Variants in FLT4 observed in about 807,000 individuals in gnomAD.
FLT4 encodes fms related receptor tyrosine kinase 4.
In FLT4, 30 loss-of-function variants were observed where a neutral mutation model predicts 163.2. The observed-to-expected ratio is 0.18, with a 90% CI of 0.14 to 0.25. FLT4 has a LOEUF of 0.25. Ranked by LOEUF, FLT4 falls within the 10% of genes least tolerant of loss-of-function variation. The pLI, the probability that FLT4 is intolerant of heterozygous loss-of-function variation, is 1.00. For synonymous variants in FLT4, 884 were observed against 789.5 expected (o/e 1.12, Z -2.01); for missense variants, 1,510 against 1,863.8 (o/e 0.81, Z 3.50).
intron 1 of FLT4, among the ~76,000 whole-genome samples, chr5:180,634,416 G>C (rs1475804156): frequency 6.6e-6 from 1 of 152,106 alleles, no homozygotes; most frequent in African/African-American, 2.4e-5. Context: ...AAGAAAGGAT[G>C]GATGGGCCAG....
At chr5:180,617,016 G>C (rs367783370) in intron 21 of FLT4, 22 bp from the exon 22 acceptor site, 175 of 1,589,276 alleles carry the variant, frequency 1.1e-4, no homozygotes, top group Middle Eastern at 8.3e-4. Flanking sequence ...AGCCAGGTGG[G>C]CTCAGGAGGC....
chr5:180,631,867 G>A (rs951650681), intron 1 of FLT4, 89 bp from the exon 2 acceptor site: 42 of 881,032 alleles, frequency 4.8e-5, no homozygotes, highest in Middle Eastern at 5.3e-4. Flanking sequence ...CATCGCAAGC[G>A]CAGACCCCTG....
chr5:180,627,337 G>A (rs1763702392), intron 8 of FLT4, among the ~76,000 whole-genome samples: 1 of 152,198 alleles, frequency 6.6e-6, no homozygotes, highest in South Asian at 2.1e-4. Flanking sequence ...GTCGCAGAGT[G>A]AGGCAGGGCA....
At chr5:180,624,227 G>GTTT (rs397737232) in intron 10 of FLT4, among the ~76,000 whole-genome samples, 166 bp from the exon 11 acceptor site, 16 of 135,064 alleles carry the variant, frequency 1.2e-4, no homozygotes, top group African/African-American at 2.5e-4. Context: ...GGACTTTGGT[G>GTTT]TTTTTTTTTT....
At chr5:180,629,217 C>G in intron 7 of FLT4, 42 bp downstream of exon 7, 1 of 1,608,766 alleles carries the variant, frequency 6.2e-7, no homozygotes, top group Admixed American at 1.7e-5. Context: ...GCTCTGGGCC[C>G]AGGCCCACAG....
intron 6 of FLT4, 96 bp downstream of exon 6, chr5:180,629,600 T>G: frequency 6.7e-7 from 1 of 1,501,256 alleles, no homozygotes; most frequent in Non-Finnish European, 9.1e-7. Context: ...GGGGCAGGCC[T>G]GGGCCCACAC....
rs2127822555 is a variant in FLT4, at chr5:180,623,976, T to A, written c.1507A>T (p.Ser503Cys). 1 of 1,613,570 alleles carries A rather than the reference T, an allele frequency of 6.2e-7. No individual in the cohort carries two copies. The highest frequency in any genetic ancestry group is 2.2e-5 in the East Asian group (1 of 44,860). ...ACAAACTCGGTCCAGGTGTCCAGGC[T>A]CTCGATGGGGTTCACGGCATCCTGC... ...TTQDAVNPIE[S>C]LDTWTEFVEG... Residue 503 changes from serine (S) to cysteine (C), a missense_variant, in exon 11 of 30, where the codon AGC becomes TGC. Around this residue, in one of 5 missense-constraint regions of FLT4, gnomAD observed 878 missense variants for 1,016.7 expected, o/e 0.86. Coordinates refer to ENST00000261937, the MANE Select transcript of FLT4 (RefSeq NM_182925.5). This position sits in a 1 kb window ranked among gnomAD's most constrained non-coding sequence, Gnocchi z 5.8.
rs1051332931 is a variant in FLT4, at chr5:180,612,237, C to A, written c.3537+269G>T. 2.6e-5 allele frequency among the ~76,000 whole-genome samples: 4 copies of A among 152,150 alleles called. No individual in the cohort carries two copies. The East Asian group carries it at 7.7e-4, about 29-fold the overall frequency. On this transcript the variant is annotated intron_variant, in intron 26 of 29. Coordinates refer to ENST00000261937, the MANE Select transcript of FLT4 (RefSeq NM_182925.5). ...GGGCTGCCTCACAGGCCGGGGGGGA[C>A]CAGCCTAGGATTCCCCTCGCGCAGG...
At position 180,619,106 on chromosome 5, in the gene FLT4, G is replaced by A. The variant is rs1358833619; in HGVS notation, c.2765C>T (p.Pro922Leu). ...GCAGAACTCCACGATCACCATGAGG[G>A]GGCCTGCGGCGGGACCGGGCGGCGG... The part of the protein sequence containing the change: ...LLGACTKPQG[P>L]LMVIVEFCKY... Residue 922 changes from proline to leucine, a missense_variant, in exon 20 of 30, where the codon CCC becomes CTC. By Grantham distance (98) the Pro-to-Leu change is moderately conservative. Around this residue, in one of 5 missense-constraint regions of FLT4, gnomAD observed 878 missense variants for 1,016.7 expected, o/e 0.86. Coordinates refer to ENST00000261937, the MANE Select transcript of FLT4 (RefSeq NM_182925.5). The A allele has an allele frequency of 6.5e-7, 1 of 1,529,468 alleles. No individual in the cohort carries two copies. The highest frequency in any genetic ancestry group is 8.8e-7 in the Non-Finnish European group (1 of 1,140,014). 94.7% of individuals were successfully genotyped at this position (1,529,468 alleles called of 1,614,324 possible). A position where few individuals can be genotyped will look rare whatever the true frequency, so the allele number is the denominator to read the frequency against.
chr5:180,608,090 C>T (rs2127786317), intron 29 of FLT4: 1 of 700,430 alleles, frequency 1.4e-6, no homozygotes. Flanking sequence ...GAGGCCTAAC[C>T]CCTCCCTGTG....
At chr5:180,611,657 G>A in intron 26 of FLT4, 178 bp from the exon 27 acceptor site, 1 of 671,114 alleles carries the variant, frequency 1.5e-6, no homozygotes, top group Non-Finnish European at 2.5e-6. Context: ...TCTGCCCTCG[G>A]GACTGCTTGG....
chr5:180,640,092 G>A lies in FLT4; in HGVS notation c.59-8314C>T, dbSNP rs931311278. ...GGCGTCAGCCACAGGCGTGGCGGGC[G>A]TGGGAGCAGCACAGGAGGGTCCTGC... On this transcript the variant is annotated intron_variant, in intron 1 of 29. Coordinates refer to ENST00000261937, the MANE Select transcript of FLT4 (RefSeq NM_182925.5). 7.9e-5 allele frequency among the ~76,000 whole-genome samples: 12 copies of A among 152,320 alleles called. No homozygotes were observed. The East Asian group carries it at 1.4e-3, about 17-fold the overall frequency.
chr5:180,620,586 C>A lies in FLT4; in HGVS notation c.2406+23G>T. ...GGGGAAGGCCTGAGAGAGACTCCAT[C>A]AGGAGCGGGGAGGGACACTCACCCT... On this transcript the variant is annotated intron_variant, in intron 16 of 29. Transcript: ENST00000261937. The surrounding 1 kb of genome is among the most constrained non-coding windows in gnomAD (Gnocchi z 4.4). The A allele has an allele frequency of 2.6e-6, 4 of 1,550,972 alleles. No homozygotes were observed. The highest frequency in any genetic ancestry group is 3.6e-6 in the Non-Finnish European group (4 of 1,123,774).
chr5:180,646,909 C>T (rs925677523), intron 1 of FLT4, among the ~76,000 whole-genome samples: 1 of 152,224 alleles, frequency 6.6e-6, no homozygotes, highest in Non-Finnish European at 1.5e-5. Context: ...TTCAGCCACA[C>T]TGGCTCTGTG....
chr5:180,629,615 T>A, intron 6 of FLT4, 81 bp downstream of exon 6: 2 of 1,529,920 alleles, frequency 1.3e-6, no homozygotes, highest in Non-Finnish European at 1.8e-6. Context: ...CCACACATCC[T>A]CCACGCGGAG....
intron 8 of FLT4, 22 bp downstream of exon 8, chr5:180,628,860 G>C: frequency 6.6e-7 from 1 of 1,520,846 alleles, no homozygotes; most frequent in East Asian, 2.3e-5. Context: ...CGGCGGGGTC[G>C]GTGGGGAGCC....
chr5:180,626,258 C>T lies in FLT4; in HGVS notation c.1111G>A (p.Asp371Asn), dbSNP rs529476780. The T allele has an allele frequency of 1.9e-6, 3 of 1,612,370 alleles. No homozygotes were observed. The highest frequency in any genetic ancestry group is 1.1e-5 in the South Asian group (1 of 91,084). The change falls in exon 9 of 30, where the codon GAT (aspartate) becomes AAT (asparagine). Residue 371 changes from aspartate (D) to asparagine (N), a missense_variant. Asp to Asn is a conservative substitution (Grantham distance 23). This residue lies in a region of FLT4 where 878 missense variants were observed against 1,016.7 expected (regional missense o/e 0.86). Coordinates refer to ENST00000261937, the MANE Select transcript of FLT4 (RefSeq NM_182925.5). ...TGGCGCCCGGACAGTGCCTTTCCATCCTTGTACCTGGCCAGGGAAGGGAGG... is the reference window on the plus strand; with the variant it reads ...TGGCGCCCGGACAGTGCCTTTCCATTCTTGTACCTGGCCAGGGAAGGGAGG... ...YPPPEFQWYKDGKALSGRHSP... is the reference protein window; with the variant it reads ...YPPPEFQWYKNGKALSGRHSP...
At chr5:180,639,014 G>C (rs1009336890) in intron 1 of FLT4, among the ~76,000 whole-genome samples, 1 of 148,380 alleles carries the variant, frequency 6.7e-6, no homozygotes, top group Non-Finnish European at 1.5e-5. Context: ...AAGAAGTATG[G>C]ATGGATGGGT....
chr5:180,640,989 G>C (rs1383214777), intron 1 of FLT4, among the ~76,000 whole-genome samples: 1 of 152,192 alleles, frequency 6.6e-6, no homozygotes, highest in Non-Finnish European at 1.5e-5. Flanking sequence ...GTGCAGAGGT[G>C]AAGGGGCCGG....
Sources: allele counts gnomAD v4.1 joint callset (sites outside exome capture counted in the v4.1 genomes callset), GRCh38; gene constraint gnomAD v4.1.1; regional missense constraint gnomAD v4.1.1; non-coding constraint Gnocchi (gnomAD v3.1); transcripts MANE v1.5; gene names NCBI Gene and HGNC (gene_info 2026-07-23, HGNC 2026-07-21).